ZNF804A: variants seen among roughly 807,000 people sequenced by gnomAD.
ZNF804A encodes zinc finger protein 804A.
In ZNF804A, 2 loss-of-function variants were observed where a neutral mutation model predicts 16.5. That is an observed-to-expected ratio of 0.12 (90% CI 0.05 to 0.38). The LOEUF is 0.38. Ranked by LOEUF, ZNF804A falls within the 10% of genes least tolerant of loss-of-function variation. ZNF804A has a pLI of 0.99. For synonymous variants in ZNF804A, 534 were observed against 489.6 expected (o/e 1.09, Z -1.20); for missense variants, 1,473 against 1,390.7 (o/e 1.06, Z -0.94).
At chr2:184,727,473 C>T (rs1161977503) in intron 1 of ZNF804A, among the ~76,000 whole-genome samples, 2 of 151,436 alleles carry the variant, frequency 1.3e-5, no homozygotes, top group African/African-American at 4.8e-5. Context: ...TTTATTATGC[C>T]TCATTATTTT....
At chr2:184,663,055 A>G (rs140046300) in intron 1 of ZNF804A, among the ~76,000 whole-genome samples, 61 of 152,330 alleles carry the variant, frequency 4.0e-4, no homozygotes, top group African/African-American at 1.5e-3. Flanking sequence ...CTGTGAAGAC[A>G]CTGGATACAG....
chr2:184,877,101 T>A (rs1021668589), intron 2 of ZNF804A, among the ~76,000 whole-genome samples: 1 of 152,110 alleles, frequency 6.6e-6, no homozygotes, highest in Non-Finnish European at 1.5e-5. Context: ...CTCTTGGAAG[T>A]ATATTTTTCT....
At chr2:184,599,951 A>G (rs1691020443) in intron 1 of ZNF804A, among the ~76,000 whole-genome samples, 1 of 152,188 alleles carries the variant, frequency 6.6e-6, no homozygotes, top group African/African-American at 2.4e-5. Flanking sequence ...ACACCTCCAT[A>G]AAGTAAAAAA....
chr2:184,815,923 T>C (rs1395817188), intron 1 of ZNF804A, among the ~76,000 whole-genome samples: 1 of 152,042 alleles, frequency 6.6e-6, no homozygotes, highest in East Asian at 1.9e-4. Flanking sequence ...TTGTGGCCTC[T>C]TGTCAATTTG....
chr2:184,780,013 G>A (rs908846818), intron 1 of ZNF804A, among the ~76,000 whole-genome samples: 4 of 151,614 alleles, frequency 2.6e-5, no homozygotes, highest in Non-Finnish European at 5.9e-5. Flanking sequence ...GGTCCCACAG[G>A]CTCCCAGGCT....
rs370660751 is a variant in ZNF804A at position 184,636,452 on chromosome 2, T to TGA, written c.111+37406_111+37407dup. Among the ~76,000 whole-genome samples, 275 of 114,306 alleles carry TGA rather than the reference T, an allele frequency of 2.4e-3. 3 individuals carry two copies. The highest frequency in any genetic ancestry group is 7.9e-3 in the African/African-American group (230 of 29,202). 75.0% of individuals were successfully genotyped at this position (114,306 alleles called of 152,430 possible). ...GTGTGTGTGTGTGTGTGTGTGTGTGTGAGAGAGAGAGAGAGAGAGAGAGAG... is the reference window on the plus strand; with the variant it reads ...GTGTGTGTGTGTGTGTGTGTGTGTGTGAGAGAGAGAGAGAGAGAGAGAGAGAG... On this transcript the variant is annotated intron_variant, in intron 1 of 3. Coordinates refer to ENST00000302277, the MANE Select transcript of ZNF804A (RefSeq NM_194250.2).
chr2:184,719,970 T>C (rs540336616), intron 1 of ZNF804A, among the ~76,000 whole-genome samples: 1 of 152,310 alleles, frequency 6.6e-6, no homozygotes, highest in Non-Finnish European at 1.5e-5. Context: ...TTTACACTGC[T>C]GATAATGTCA....
intron 1 of ZNF804A, among the ~76,000 whole-genome samples, chr2:184,795,763 A>C (rs368635214): frequency 6.6e-6 from 1 of 150,632 alleles, no homozygotes; most frequent in East Asian, 1.9e-4. Context: ...CTGCTGAAAT[A>C]AAAAAGACCA....
At chr2:184,818,036 C>G (rs961886706) in intron 1 of ZNF804A, among the ~76,000 whole-genome samples, 1 of 151,910 alleles carries the variant, frequency 6.6e-6, no homozygotes, top group African/African-American at 2.4e-5. Context: ...GGCCATCATT[C>G]AAATTCAGGA....
chr2:184,800,485 CTTTTT>C (rs1387358881), intron 1 of ZNF804A, among the ~76,000 whole-genome samples: 2 of 151,368 alleles, frequency 1.3e-5, no homozygotes, highest in Non-Finnish European at 3.0e-5. Flanking sequence ...GTTGCATTTT[CTTTTT>C]TATTTCAAAA....
chr2:184,853,383 T>G (rs1336684007), intron 1 of ZNF804A, among the ~76,000 whole-genome samples: 8 of 151,900 alleles, frequency 5.3e-5, no homozygotes, highest in African/African-American at 1.9e-4. Context: ...ACAAGGAACT[T>G]TGACTTCATC....
chr2:184,883,252 A>G (rs896043821), intron 2 of ZNF804A, among the ~76,000 whole-genome samples: 2 of 152,148 alleles, frequency 1.3e-5, no homozygotes, highest in African/African-American at 2.4e-5. Flanking sequence ...GAACTGATCA[A>G]TAATGGATTC....
Position 184,938,075 on chromosome 2 carries a change from T to C in ZNF804A, c.2679T>C (p.Gly893=), listed in dbSNP as rs1227899826. The change falls in exon 4 of 4, where the codon GGT becomes GGC. Residue 893 remains glycine, a synonymous_variant. Transcript: ENST00000302277. ...PNNLLPSETN[G]ETEHLEMETT... ...ATCTCCTTCCTTCTGAAACCAATGG[T>C]GAAACTGAGCATTTAGAAATGGAGA... is the stretch of plus-strand genomic sequence containing the variant. 6.2e-7 allele frequency: 1 copy of C among 1,614,076 alleles called. No individual in the cohort carries two copies. The highest frequency in any genetic ancestry group is 8.5e-7 in the Non-Finnish European group (1 of 1,180,010).
At chr2:184,657,202 C>A (rs1258552428) in intron 1 of ZNF804A, among the ~76,000 whole-genome samples, 1 of 152,140 alleles carries the variant, frequency 6.6e-6, no homozygotes, top group Non-Finnish European at 1.5e-5. Flanking sequence ...TCTCCCACTT[C>A]AGACTTCCTA....
intron 2 of ZNF804A, among the ~76,000 whole-genome samples, chr2:184,891,735 T>C (rs2105822599): frequency 6.6e-6 from 1 of 152,320 alleles, no homozygotes; most frequent in Admixed American, 6.5e-5. Flanking sequence ...GTCTTGTCCA[T>C]ATTCTTTATA....
At chr2:184,920,705 T>C (rs1685516510) in intron 2 of ZNF804A, among the ~76,000 whole-genome samples, 1 of 152,180 alleles carries the variant, frequency 6.6e-6, no homozygotes, top group Non-Finnish European at 1.5e-5. Flanking sequence ...ATGATTTCAG[T>C]GGGTCTTATG....
intron 1 of ZNF804A, among the ~76,000 whole-genome samples, chr2:184,632,853 T>C (rs1266394338): frequency 1.3e-5 from 2 of 152,184 alleles, no homozygotes; most frequent in Non-Finnish European, 2.9e-5. Flanking sequence ...GCTAGTCATA[T>C]ATAGAAGGTT....
At chr2:184,863,652 T>C (rs747599164) in intron 1 of ZNF804A, among the ~76,000 whole-genome samples, 6 of 152,092 alleles carry the variant, frequency 3.9e-5, no homozygotes, top group Non-Finnish European at 8.8e-5. Flanking sequence ...GAAAATCAAC[T>C]AGTTTACCAT....
intron 1 of ZNF804A, among the ~76,000 whole-genome samples, chr2:184,637,042 G>T (rs933261968): frequency 6.6e-6 from 1 of 152,032 alleles, no homozygotes; most frequent in Admixed American, 6.6e-5. Flanking sequence ...TCATAGTGAT[G>T]ATCTATGTGG....
Sources: allele counts gnomAD v4.1 joint callset (sites outside exome capture counted in the v4.1 genomes callset), GRCh38; gene constraint gnomAD v4.1.1; transcripts MANE v1.5; gene names NCBI Gene and HGNC (gene_info 2026-07-23, HGNC 2026-07-21).